FRMD6: variants seen among roughly 807,000 people sequenced by gnomAD.
The protein encoded by FRMD6 is FERM domain-containing protein 6.
Under a neutral mutation model 73.2 loss-of-function variants are expected in FRMD6, and 37 were observed. The observed-to-expected ratio is 0.51, with a 90% CI of 0.39 to 0.66. The LOEUF is 0.66. Among genes scored for constraint, FRMD6 ranks in the 30% least tolerant of loss-of-function variants. The pLI, the probability that FRMD6 is intolerant of heterozygous loss-of-function variation, is 0.00. For missense variants in FRMD6, 714 were observed against 780.5 expected (o/e 0.91, Z 1.02); for synonymous variants, 273 against 282.2 (o/e 0.97, Z 0.33).
the FRMD6 span, among the ~76,000 whole-genome samples, chr14:51,444,515 T>C: frequency 6.6e-6 from 1 of 152,230 alleles, no homozygotes; most frequent in Non-Finnish European, 1.5e-5. Context: ...TAGCAATGTG[T>C]GTGTTCAGTC....
At chr14:51,416,169 C>G in the FRMD6 span, among the ~76,000 whole-genome samples, 1 of 152,074 alleles carries the variant, frequency 6.6e-6, no homozygotes, top group Non-Finnish European at 1.5e-5. Context: ...CTGCTCTGAT[C>G]TTAGTTATTT....
At chr14:51,492,823 G>T (rs554195492) in intron 1 of FRMD6, among the ~76,000 whole-genome samples, 5 of 152,300 alleles carry the variant, frequency 3.3e-5, no homozygotes, top group African/African-American at 1.2e-4. Flanking sequence ...AGACATTAAG[G>T]TTTAGTAAAA....
chr14:51,486,180 G>A (rs1374118971), upstream of FRMD6, among the ~76,000 whole-genome samples: 2 of 151,892 alleles, frequency 1.3e-5, no homozygotes, highest in African/African-American at 4.8e-5. Context: ...GACTACAGGC[G>A]CCCGCCACCA....
At chr14:51,540,624 G>A (rs1886154057) in intron 1 of FRMD6, among the ~76,000 whole-genome samples, 1 of 152,064 alleles carries the variant, frequency 6.6e-6, no homozygotes, top group South Asian at 2.1e-4. Context: ...TGTGAAGTAA[G>A]CTCACTTCCT....
chr14:51,556,346 T>A (rs1887131033), intron 1 of FRMD6, among the ~76,000 whole-genome samples: 1 of 152,260 alleles, frequency 6.6e-6, no homozygotes, highest in South Asian at 2.1e-4. Flanking sequence ...AATCACTGAA[T>A]AATTAGAAGG....
rs1353165873 is a variant in FRMD6 at position 51,594,543 on chromosome 14, G to A, written c.-147+24133G>A. 2.0e-5 allele frequency among the ~76,000 whole-genome samples: 3 copies of A among 151,498 alleles called. No homozygotes were observed. The East Asian group carries it at 5.9e-4, about 30-fold the overall frequency. ...GGGGTTTCTCCATGTTGGTCTGGCT[G>A]GTCTCGAACTCCCGACCTCAAGTGA... On this transcript the variant is annotated intron_variant, in intron 2 of 14. Coordinates refer to the FRMD6 transcript ENST00000356218.
chr14:51,402,503 C>T, the FRMD6 span, among the ~76,000 whole-genome samples: 3,181 of 152,286 alleles, frequency 0.021, 122 homozygotes, highest in African/African-American at 0.073. Flanking sequence ...TGCCTGCTGC[C>T]ATCCACGTAA....
the FRMD6 span, among the ~76,000 whole-genome samples, chr14:51,435,573 A>G: frequency 6.6e-6 from 1 of 152,200 alleles, no homozygotes; most frequent in Non-Finnish European, 1.5e-5. Flanking sequence ...CAAACTACAG[A>G]TGATCATGGT....
chr14:51,679,897 T>G (rs1205396854), intron 1 of FRMD6, among the ~76,000 whole-genome samples: 1 of 152,192 alleles, frequency 6.6e-6, no homozygotes, highest in East Asian at 1.9e-4. Flanking sequence ...GTCATTAGCC[T>G]TTGCTTTGCC....
intron 8 of FRMD6, 31 bp downstream of exon 8, chr14:51,711,627 T>C: frequency 1.4e-6 from 2 of 1,480,520 alleles, no homozygotes; most frequent in Non-Finnish European, 1.9e-6. Context: ...TCAAATGCTG[T>C]CAGCCATGTC....
chr14:51,685,265 T>A (rs1895074066), intron 1 of FRMD6, among the ~76,000 whole-genome samples: 1 of 152,208 alleles, frequency 6.6e-6, no homozygotes, highest in Non-Finnish European at 1.5e-5. Flanking sequence ...TCTTTCTTCA[T>A]TTAGATGTTT....
intron 1 of FRMD6, among the ~76,000 whole-genome samples, chr14:51,555,419 G>A (rs1887072562): frequency 6.6e-6 from 1 of 152,186 alleles, no homozygotes; most frequent in Non-Finnish European, 1.5e-5. Flanking sequence ...ATTGGGCTAT[G>A]TAGAAATTGC....
chr14:51,398,286 C>T, the FRMD6 span, among the ~76,000 whole-genome samples: 2 of 152,250 alleles, frequency 1.3e-5, no homozygotes, highest in South Asian at 4.2e-4. Context: ...CACTGCACCT[C>T]CCCACCCACG....
chr14:51,681,813 T>A (rs565222141), intron 1 of FRMD6, among the ~76,000 whole-genome samples: 2 of 152,338 alleles, frequency 1.3e-5, no homozygotes, highest in African/African-American at 4.8e-5. Context: ...ATGCTTCAAA[T>A]TAAAGCTATT....
At chr14:51,538,280 A>G (rs768547050) in intron 1 of FRMD6, among the ~76,000 whole-genome samples, 1 of 152,010 alleles carries the variant, frequency 6.6e-6, no homozygotes, top group African/African-American at 2.4e-5. Flanking sequence ...TTTTAAGAAT[A>G]TATATTGTAG....
At chr14:51,412,990 ATTTTT>A in the FRMD6 span, among the ~76,000 whole-genome samples, 1 of 134,136 alleles carries the variant, frequency 7.5e-6, no homozygotes. Context: ...CCATAGTTAA[ATTTTT>A]TTTTTTTTTT....
At chr14:51,432,822 G>A in the FRMD6 span, among the ~76,000 whole-genome samples, 10 of 152,280 alleles carry the variant, frequency 6.6e-5, no homozygotes, top group South Asian at 2.1e-3. Flanking sequence ...GCAAGTCTAA[G>A]GTCTCCATGG....
chr14:51,633,784 G>A (rs1311291519), intron 2 of FRMD6, among the ~76,000 whole-genome samples: 1 of 152,100 alleles, frequency 6.6e-6, no homozygotes, highest in Non-Finnish European at 1.5e-5. Flanking sequence ...GGAACTGTTT[G>A]TGATTAGCAT....
intron 1 of FRMD6, among the ~76,000 whole-genome samples, chr14:51,495,135 C>T (rs767536410): frequency 3.3e-5 from 5 of 152,180 alleles, no homozygotes; most frequent in African/African-American, 4.8e-5. Context: ...TTTTTCCTTC[C>T]ACAAAACACT....
Sources: allele counts gnomAD v4.1 joint callset (sites outside exome capture counted in the v4.1 genomes callset), GRCh38; gene constraint gnomAD v4.1.1; transcripts MANE v1.5; gene names NCBI Gene and HGNC (gene_info 2026-07-23, HGNC 2026-07-21).